Variants in NDC1 observed in about 807,000 individuals in gnomAD.
The protein encoded by NDC1 is nucleoporin NDC1.
NDC1 carries 24 observed loss-of-function variants against 89.8 expected under a neutral mutation model. The ratio of observed to expected loss-of-function variants is 0.27; its 90% CI spans 0.19 to 0.38. The LOEUF (loss-of-function observed/expected upper bound fraction) is 0.38, where lower values mean the gene tolerates loss of function less well. Among genes scored for constraint, NDC1 ranks in the 10% least tolerant of loss-of-function variants. The probability of loss-of-function intolerance (pLI) is 1.00; values close to 1 mark genes in which losing one functional copy is unlikely to be tolerated. For synonymous variants in NDC1, 296 were observed against 284.8 expected (o/e 1.04, Z -0.39); for missense variants, 728 against 797.6 (o/e 0.91, Z 1.05).
intron 1 of NDC1, among the ~76,000 whole-genome samples, chr1:53,836,271 G>A (rs12727907): frequency 0.029 from 4,392 of 152,052 alleles, 97 homozygotes; most frequent in Non-Finnish European, 0.044. Context: ...AGCTGAGGCC[G>A]GGCGTGGTGG....
chr1:53,825,453 C>CA lies in NDC1; in HGVS notation c.594+344dup, dbSNP rs369960654. Among the ~76,000 whole-genome samples the CA allele has an allele frequency of 6.4e-5, 8 of 125,974 alleles. No homozygotes were observed. The South Asian group carries it at 6.9e-4, about 11-fold the overall frequency. 82.6% of individuals were successfully genotyped at this position (125,974 alleles called of 152,430 possible). A position where few individuals can be genotyped will look rare whatever the true frequency, so the allele number is the denominator to read the frequency against. ...CTGGGCAAAGAAGCGAGACTGTCTC[C>CA]AAAAAAAAAGAAGCTACACAGAGTA... On this transcript the variant is annotated intron_variant, in intron 5 of 17. Transcript: ENST00000371429.
intron 11 of NDC1, among the ~76,000 whole-genome samples, chr1:53,800,308 T>C (rs1460895739): frequency 1.3e-5 from 2 of 151,110 alleles, no homozygotes; most frequent in African/African-American, 4.9e-5. Flanking sequence ...CTCATATAAG[T>C]ATCCTTCAAT....
At position 53,765,740 on chromosome 1, in the gene NDC1, T is replaced by G. The variant is rs1647060143; in HGVS notation, c.*2230A>C. 1 of 152,194 alleles carries G rather than the reference T, an allele frequency of 6.6e-6. No individual in the cohort carries two copies. The highest frequency in any genetic ancestry group is 1.5e-5 in the Non-Finnish European group (1 of 68,026). The allele number at this position is 152,194 out of a possible 1,614,324, so 9.4% of individuals were successfully genotyped here. Reference sequence around the variant, plus strand: ...AGGGTCAAGCAAACATGCTAAGAGCTGATACCATCATGTTTTTATACTAAC... The same window carrying G: ...AGGGTCAAGCAAACATGCTAAGAGCGGATACCATCATGTTTTTATACTAAC... On this transcript the variant is annotated 3_prime_UTR_variant, in exon 18 of 18. Transcript: ENST00000371429.
chr1:53,797,048 G>A lies in NDC1; in HGVS notation c.1319C>T (p.Thr440Ile). The A allele has an allele frequency of 6.2e-7, 1 of 1,614,112 alleles. No individual in the cohort carries two copies. Among genetic ancestry groups the A allele is most frequent in the South Asian group, 1.1e-5 (1 of 91,078 alleles). Reference sequence around the variant, plus strand: ...CCCAAATGGGCTCACAACATCAGGTGTAGATAATTTTGAAGAAAACAGTGA... The same window carrying A: ...CCCAAATGGGCTCACAACATCAGGTATAGATAATTTTGAAGAAAACAGTGA... ...KTSLFSSKLS[T>I]PDVVSPFGTP... is the part of the protein sequence containing the mutation. The change falls in exon 12 of 18, where the codon ACA becomes ATA. Residue 440 changes from threonine to isoleucine, a missense_variant. Coordinates refer to ENST00000371429, the MANE Select transcript of NDC1 (RefSeq NM_018087.5).
At chr1:53,778,154 C>G (rs1034989318) in intron 16 of NDC1, among the ~76,000 whole-genome samples, 1 of 151,948 alleles carries the variant, frequency 6.6e-6, no homozygotes, top group South Asian at 2.1e-4. Context: ...CCCACTTAAT[C>G]TGAATATTCA....
intron 16 of NDC1, among the ~76,000 whole-genome samples, chr1:53,780,845 T>A (rs1647200201): frequency 6.7e-6 from 1 of 149,586 alleles, no homozygotes; most frequent in African/African-American, 2.5e-5. Context: ...TATATTTTAC[T>A]AAGTTTAATT....
At position 53,825,824 on chromosome 1, in the gene NDC1, T is replaced by C. The variant is rs1041306386; in HGVS notation, c.568A>G (p.Asn190Asp). The change falls in exon 5 of 18, where the codon AAC becomes GAC. Residue 190 changes from asparagine (N) to aspartate (D), a missense_variant. Transcript: ENST00000371429. The part of the protein sequence containing the change: ...YSLLYFVNNM[N>D]YLPFPIIQQY... Reference sequence around the variant, plus strand: ...TGTATGATGGGAAATGGAAGATAGTTCATGTTGTTAACAAAATACAGGAGG... The same window carrying C: ...TGTATGATGGGAAATGGAAGATAGTCCATGTTGTTAACAAAATACAGGAGG... 5.6e-6 allele frequency: 9 copies of C among 1,597,660 alleles called. No individual in the cohort carries two copies. The highest frequency in any genetic ancestry group is 3.6e-5 in the Admixed American group (2 of 55,324).
chr1:53,831,671 CAAA>C (rs199581345), intron 3 of NDC1, among the ~76,000 whole-genome samples: 1 of 105,052 alleles, frequency 9.5e-6, no homozygotes, highest in Admixed American at 1.0e-4. Flanking sequence ...GACTCTGTCT[CAAA>C]AAAAAAAAAG....
intron 6 of NDC1, among the ~76,000 whole-genome samples, chr1:53,812,067 GCATCAAAGGAACA>G (rs1467501988): frequency 6.6e-6 from 1 of 152,186 alleles, no homozygotes; most frequent in Non-Finnish European, 1.5e-5. Context: ...GGAGAGTACT[GCATCAAAGGAACA>G]CCTCGTGGGA....
chr1:53,827,033 G>A (rs1648885403), intron 4 of NDC1, among the ~76,000 whole-genome samples: 1 of 152,008 alleles, frequency 6.6e-6, no homozygotes, highest in Admixed American at 6.6e-5. Flanking sequence ...GTGAGCACTT[G>A]GGATTTCCTT....
intron 14 of NDC1, among the ~76,000 whole-genome samples, chr1:53,792,632 C>T (rs1047935827): frequency 3.3e-5 from 5 of 152,244 alleles, no homozygotes; most frequent in Middle Eastern, 3.4e-3. Flanking sequence ...AAATTCTTTC[C>T]CCTACATAGG....
At chr1:53,812,934 G>A (rs1281366958) in intron 6 of NDC1, among the ~76,000 whole-genome samples, 1 of 152,228 alleles carries the variant, frequency 6.6e-6, no homozygotes, top group Non-Finnish European at 1.5e-5. Context: ...CAAGCTAGAA[G>A]GGATTGGGGC....
intron 11 of NDC1, among the ~76,000 whole-genome samples, 190 bp from the exon 12 acceptor site, chr1:53,797,334 T>G (rs1436565660): frequency 6.6e-6 from 1 of 152,176 alleles, no homozygotes; most frequent in East Asian, 1.9e-4. Flanking sequence ...CTCAAAGAGC[T>G]TTATACATCT....
chr1:53,799,275 G>A (rs1647828487), intron 11 of NDC1, among the ~76,000 whole-genome samples: 1 of 152,176 alleles, frequency 6.6e-6, no homozygotes, highest in African/African-American at 2.4e-5. Context: ...TAAAAGGTCA[G>A]ATCCAAGAGT....
rs72662303 is a variant in NDC1, at chr1:53,769,251, G to A, written c.1962-1218C>T. ...AATTAGCCTAAATTAGGAGTAAATG[G>A]GAGGTGGCAGGGAATGGGGAGATGT... On this transcript the variant is annotated intron_variant, in intron 17 of 17. Coordinates refer to ENST00000371429, the MANE Select transcript of NDC1 (RefSeq NM_018087.5). Among the ~76,000 whole-genome samples, 1,067 of 152,284 alleles carry A rather than the reference G, an allele frequency of 7.0e-3. 4 individuals are homozygous for A. The highest frequency in any genetic ancestry group is 8.4e-3 in the Non-Finnish European group (568 of 68,022).
At chr1:53,800,303 A>G (rs879132529) in intron 11 of NDC1, among the ~76,000 whole-genome samples, 8 of 147,922 alleles carry the variant, frequency 5.4e-5, no homozygotes, top group Admixed American at 4.7e-4. Flanking sequence ...TCACACTCAT[A>G]TAAGTATCCT....
At position 53,766,176 on chromosome 1, in the gene NDC1, C is replaced by T. The variant is rs1647064207; in HGVS notation, c.*1794G>A. 7.1e-6 allele frequency: 1 copy of T among 140,266 alleles called. No homozygotes were observed. The highest frequency in any genetic ancestry group is 6.9e-5 in the Admixed American group (1 of 14,580). The allele number at this position is 140,266 out of a possible 1,614,324, so 8.7% of individuals were successfully genotyped here. On this transcript the variant is annotated 3_prime_UTR_variant, in exon 18 of 18. Transcript: ENST00000371429. ...AAAGTATATAGGAAATGGCAAAAAC[C>T]TAACCTAGCTGGACATTTTATACAA... is the stretch of plus-strand genomic sequence containing the variant.
At position 53,796,756 on chromosome 1, in the gene NDC1, C is replaced by T; in HGVS notation, c.1517G>A (p.Ser506Asn). 6.2e-7 allele frequency: 1 copy of T among 1,611,514 alleles called. No individual in the cohort carries two copies. The highest frequency in any genetic ancestry group is 8.5e-7 in the Non-Finnish European group (1 of 1,179,402). The change falls in exon 13 of 18, where the codon AGT becomes AAT. Residue 506 changes from serine (S) to asparagine (N), a missense_variant. Physicochemically the swap from Ser to Asn is conservative, Grantham distance 46 (BLOSUM62 1). Coordinates refer to ENST00000371429, the MANE Select transcript of NDC1 (RefSeq NM_018087.5). ...TTGTCTCATTGTCTTACCCTCAGCA[C>T]TAATAGAGGTAGATGGAGAAGGATT... is the stretch of plus-strand genomic sequence containing the variant. ...FSNPSPSTSI[S>N]AEGKTMRQPS... is the part of the protein sequence containing the mutation.
chr1:53,771,985 A>G (rs1647116649), intron 17 of NDC1, among the ~76,000 whole-genome samples: 1 of 152,142 alleles, frequency 6.6e-6, no homozygotes, highest in Admixed American at 6.5e-5. Flanking sequence ...ATATAACAAT[A>G]GAATTAGTTT....
Sources: allele counts gnomAD v4.1 joint callset (sites outside exome capture counted in the v4.1 genomes callset), GRCh38; gene constraint gnomAD v4.1.1; transcripts MANE v1.5; gene names NCBI Gene and HGNC (gene_info 2026-07-23, HGNC 2026-07-21).